Variants in CECR2 observed in about 807,000 individuals in gnomAD.
The protein encoded by CECR2 is CECR2 histone acetyl-lysine reader.
Under a neutral mutation model 154.5 loss-of-function variants are expected in CECR2, and 30 were observed. The ratio of observed to expected loss-of-function variants is 0.19; its 90% CI spans 0.15 to 0.26. The LOEUF (loss-of-function observed/expected upper bound fraction) is 0.26, where lower values mean the gene tolerates loss of function less well. Among genes scored for constraint, CECR2 ranks in the 10% least tolerant of loss-of-function variants. The pLI is 1.00. For synonymous variants in CECR2, 725 were observed against 683.7 expected, an observed-to-expected ratio of 1.06 and a Z score of -0.94; for missense variants, 1,743 against 1,829.3, an observed-to-expected ratio of 0.95 and a Z score of 0.86.
chr22:17,368,733 A>T (rs190131868), upstream of CECR2, among the ~76,000 whole-genome samples: 22 of 152,092 alleles, frequency 1.4e-4, no homozygotes, highest in Admixed American at 5.2e-4. Flanking sequence ...GGGCAGTAGC[A>T]GGGTTCCGAG....
chr22:17,526,833 A>T (rs2056273841), intron 9 of CECR2, among the ~76,000 whole-genome samples: 1 of 149,482 alleles, frequency 6.7e-6, no homozygotes, highest in Non-Finnish European at 1.5e-5. Context: ...AAAAAAAAGA[A>T]TTATATCTAA....
chr22:17,421,614 CAAA>C (rs34156323), intron 1 of CECR2, among the ~76,000 whole-genome samples: 72 of 23,360 alleles, frequency 3.1e-3, no homozygotes, highest in African/African-American at 0.011. Context: ...GACTCCGTCT[CAAA>C]AAAAAAAAAA....
At chr22:17,478,634 C>T (rs2055252476) in intron 2 of CECR2, among the ~76,000 whole-genome samples, 1 of 152,114 alleles carries the variant, frequency 6.6e-6, no homozygotes, top group Non-Finnish European at 1.5e-5. Flanking sequence ...GGATTACAGG[C>T]GTGAGCCACC....
chr22:17,480,586 A>G (rs1029304130), intron 2 of CECR2, among the ~76,000 whole-genome samples: 8 of 152,184 alleles, frequency 5.3e-5, no homozygotes, highest in Non-Finnish European at 1.2e-4. Context: ...CCTGAAGGGA[A>G]TTGCCTAAAA....
intron 1 of CECR2, among the ~76,000 whole-genome samples, chr22:17,392,165 T>A (rs2063332863): frequency 6.6e-6 from 1 of 152,208 alleles, no homozygotes; most frequent in African/African-American, 2.4e-5. Flanking sequence ...CTCATGCCTG[T>A]AATCCCAGTC....
intron 1 of CECR2, among the ~76,000 whole-genome samples, chr22:17,442,166 G>A (rs972579443): frequency 2.0e-5 from 3 of 152,168 alleles, no homozygotes; most frequent in African/African-American, 7.2e-5. Flanking sequence ...CAAAACAAGA[G>A]CATGTCATAC....
intron 16 of CECR2, among the ~76,000 whole-genome samples, chr22:17,543,813 C>G (rs751273737): frequency 1.3e-5 from 2 of 152,088 alleles, no homozygotes; most frequent in African/African-American, 2.4e-5. Flanking sequence ...CCTGCCTTGG[C>G]CTCCCAAAGT....
chr22:17,431,805 A>G (rs2054428325), intron 1 of CECR2, among the ~76,000 whole-genome samples: 1 of 151,696 alleles, frequency 6.6e-6, no homozygotes, highest in Non-Finnish European at 1.5e-5. Context: ...TTATTGAGAT[A>G]TTCACAAACC....
At chr22:17,462,674 G>C (rs2146737526) in intron 1 of CECR2, among the ~76,000 whole-genome samples, 1 of 152,240 alleles carries the variant, frequency 6.6e-6, no homozygotes, top group South Asian at 2.1e-4. Context: ...CCAGCACTTT[G>C]GGAGGCCGAG....
chr22:17,449,520 T>C (rs1328545308), intron 1 of CECR2, among the ~76,000 whole-genome samples: 1 of 139,596 alleles, frequency 7.2e-6, no homozygotes, highest in Non-Finnish European at 1.5e-5. Flanking sequence ...GACAGAGTCT[T>C]GCTCTGTCGC....
intron 7 of CECR2, among the ~76,000 whole-genome samples, chr22:17,507,115 C>T (rs540014847): frequency 9.2e-5 from 14 of 152,304 alleles, no homozygotes; most frequent in African/African-American, 3.1e-4. Flanking sequence ...ATCATCACTG[C>T]AGTACCTACA....
intron 7 of CECR2, among the ~76,000 whole-genome samples, chr22:17,506,108 AAGTGCTGGGATTATAGGCATG>A: frequency 6.6e-6 from 1 of 152,076 alleles, no homozygotes; most frequent in South Asian, 2.1e-4. Context: ...TGGCTTCCCA[AAGTGCTGGGATTATAGGCATG>A]AGCCACTGTG....
chr22:17,449,483 C>CTTTTT lies in CECR2; in HGVS notation c.127-28085_127-28081dup, dbSNP rs35473694. Among the ~76,000 whole-genome samples, 706 of 71,458 alleles carry CTTTTT rather than the reference C, an allele frequency of 9.9e-3. 69 individuals are homozygous for CTTTTT. The highest frequency in any genetic ancestry group is 0.032 in the African/African-American group (535 of 16,962). The allele number at this position is 71,458 out of a possible 152,430, so 46.9% of individuals were successfully genotyped here. On this transcript the variant is annotated intron_variant, in intron 1 of 18. Coordinates refer to ENST00000262608, the MANE Select transcript of CECR2 (RefSeq NM_001290047.2). The stretch of plus-strand genomic sequence containing the variant: ...CCGCACATCTAATTGGTAACCAGTT[C>CTTTTT]TTTTTTTTTTTTTTTTTTTTTTTTG...
In CECR2 at chr22:17,552,937, C is replaced by A; in HGVS notation, c.*97C>A. 6.6e-7 allele frequency: 1 copy of A among 1,519,158 alleles called. No homozygotes were observed. Among genetic ancestry groups the A allele is most frequent in the Non-Finnish European group, 8.8e-7 (1 of 1,136,674 alleles). The allele number at this position is 1,519,158 out of a possible 1,614,324, so 94.1% of individuals were successfully genotyped here. A position where few individuals can be genotyped will look rare whatever the true frequency, so the allele number is the denominator to read the frequency against. The stretch of plus-strand genomic sequence containing the variant: ...GCCCTGTCAGCTCTATTCCCATCAC[C>A]TGCTCCACCCCTTCACGGCGACCCA... On this transcript the variant is annotated 3_prime_UTR_variant, in exon 19 of 19. Transcript: ENST00000262608.
chr22:17,373,706 T>A (rs1164244708), intron 1 of CECR2, among the ~76,000 whole-genome samples: 1 of 152,092 alleles, frequency 6.6e-6, no homozygotes, highest in African/African-American at 2.4e-5. Context: ...TATAAACAGA[T>A]GAATGACACT....
intron 1 of CECR2, among the ~76,000 whole-genome samples, chr22:17,361,218 T>G (rs2062975170): frequency 6.6e-6 from 1 of 152,118 alleles, no homozygotes; most frequent in South Asian, 2.1e-4. Context: ...CCAGGTGCAG[T>G]GGCTCACGTC....
At chr22:17,399,300 A>G (rs1016694183) in intron 1 of CECR2, among the ~76,000 whole-genome samples, 5 of 152,050 alleles carry the variant, frequency 3.3e-5, no homozygotes, top group Admixed American at 1.3e-4. Context: ...TGGTGAGGCA[A>G]GTTCTCTTTT....
chr22:17,492,338 A>T (rs1319657947), intron 2 of CECR2, among the ~76,000 whole-genome samples: 2 of 152,108 alleles, frequency 1.3e-5, no homozygotes, highest in African/African-American at 4.8e-5. Flanking sequence ...ATCTCCCCAA[A>T]CAGGGTGCAG....
At chr22:17,514,745 A>G (rs73159543) in intron 8 of CECR2, among the ~76,000 whole-genome samples, 2,424 of 152,238 alleles carry the variant, frequency 0.016, 22 homozygotes, top group Middle Eastern at 0.037. Context: ...TTTAAAACAG[A>G]CTTGTGGGCC....
Sources: allele counts gnomAD v4.1 joint callset (sites outside exome capture counted in the v4.1 genomes callset), GRCh38; gene constraint gnomAD v4.1.1; transcripts MANE v1.5; gene names NCBI Gene and HGNC (gene_info 2026-07-23, HGNC 2026-07-21).